CSMD1: variants seen among roughly 807,000 people sequenced by gnomAD.
CSMD1 encodes the protein CUB and Sushi multiple domains 1.
A neutral mutation model predicts 417.5 loss-of-function variants in CSMD1; 213 were observed. The ratio of observed to expected loss-of-function variants is 0.51; its 90% CI spans 0.46 to 0.57. The LOEUF (loss-of-function observed/expected upper bound fraction) is 0.57, where lower values mean the gene tolerates loss of function less well. Among genes scored for constraint, CSMD1 ranks in the 20% least tolerant of loss-of-function variants. The pLI, the probability that CSMD1 is intolerant of heterozygous loss-of-function variation, is 0.00. For missense variants in CSMD1, 6,923 were observed against 4,529.7 expected (o/e 1.53, Z -15.17); for synonymous variants, 2,862 against 1,736.8 (o/e 1.65, Z -16.11).
rs146337378 is a variant in CSMD1 at position 4,472,062 on chromosome 8, C to G, written c.303-51997G>C. Among the ~76,000 whole-genome samples, 4 of 152,286 alleles carry G rather than the reference C, an allele frequency of 2.6e-5. No individual in the cohort carries two copies. The East Asian group carries it at 5.8e-4, about 22-fold the overall frequency. On this transcript the variant is annotated intron_variant, in intron 2 of 69. Transcript: ENST00000635120. Reference sequence around the variant, plus strand: ...ATTGGAACTCAGATTTAATGCTTAGCTGGGAAACTTGTTCGACACAGTCAG... The same window carrying G: ...ATTGGAACTCAGATTTAATGCTTAGGTGGGAAACTTGTTCGACACAGTCAG...
chr8:3,004,855 G>A (rs535279063), intron 52 of CSMD1, among the ~76,000 whole-genome samples: 19 of 152,224 alleles, frequency 1.2e-4, no homozygotes, highest in Middle Eastern at 3.4e-3. Flanking sequence ...TAAGAATACC[G>A]TGGCCAGGCG....
intron 12 of CSMD1, among the ~76,000 whole-genome samples, chr8:3,431,867 G>T (rs78409838): frequency 9.2e-5 from 14 of 152,176 alleles, no homozygotes; most frequent in Non-Finnish European, 1.6e-4. Context: ...CACGCCCACA[G>T]TGAGATAAGA....
At chr8:4,219,453 C>G (rs955256564) in intron 3 of CSMD1, among the ~76,000 whole-genome samples, 1 of 152,148 alleles carries the variant, frequency 6.6e-6, no homozygotes, top group Admixed American at 6.5e-5. Flanking sequence ...CATACCCGAA[C>G]CTCTCTCTTG....
At chr8:4,303,422 G>GT (rs71511194) in intron 3 of CSMD1, among the ~76,000 whole-genome samples, 2 of 85,216 alleles carry the variant, frequency 2.3e-5, no homozygotes, top group African/African-American at 9.5e-5. Context: ...GCAGGAAGCT[G>GT]TTTTTTTTTT....
intron 3 of CSMD1, among the ~76,000 whole-genome samples, chr8:4,305,671 G>A (rs1246305820): frequency 2.6e-5 from 4 of 152,222 alleles, no homozygotes; most frequent in Non-Finnish European, 4.4e-5. Flanking sequence ...CCAGCAGAGA[G>A]TAAGTGCTTG....
Position 3,669,426 on chromosome 8 carries a change from G to C in CSMD1, c.1009+38988C>G, listed in dbSNP as rs6996762. Among the ~76,000 whole-genome samples the C allele has an allele frequency of 2.8e-3, 428 of 152,248 alleles. 1 individual carries two copies. The highest frequency in any genetic ancestry group is 9.9e-3 in the African/African-American group (412 of 41,544). On this transcript the variant is annotated intron_variant, in intron 7 of 69. Transcript: ENST00000635120. ...TCTAGGGGTTCGTGTTTACACTGTA[G>C]TGAGGGACTCCACTGATGGTCCTGT...
intron 6 of CSMD1, among the ~76,000 whole-genome samples, chr8:3,713,970 G>C (rs1307993461): frequency 1.3e-5 from 2 of 151,782 alleles, no homozygotes; most frequent in Non-Finnish European, 2.9e-5. Context: ...ACTACTATTG[G>C]TAGCAATAAT....
intron 3 of CSMD1, among the ~76,000 whole-genome samples, chr8:4,393,799 T>C (rs1379816377): frequency 6.6e-6 from 1 of 152,220 alleles, no homozygotes; most frequent in African/African-American, 2.4e-5. Flanking sequence ...TGATCATCTT[T>C]ATATGCCATA....
intron 1 of CSMD1, among the ~76,000 whole-genome samples, chr8:4,951,276 C>G (rs936131401): frequency 6.6e-6 from 1 of 152,132 alleles, no homozygotes; most frequent in Non-Finnish European, 1.5e-5. Flanking sequence ...CTTTTAGTCT[C>G]TGCCTGAAAT....
At chr8:3,396,582 T>C (rs1479092980) in intron 16 of CSMD1, among the ~76,000 whole-genome samples, 3 of 152,176 alleles carry the variant, frequency 2.0e-5, no homozygotes, top group Admixed American at 6.6e-5. Flanking sequence ...CTTAAATCCC[T>C]TTCTCTTATC....
chr8:3,814,894 A>T (rs1801288929), intron 5 of CSMD1, among the ~76,000 whole-genome samples: 1 of 152,188 alleles, frequency 6.6e-6, no homozygotes, highest in Non-Finnish European at 1.5e-5. Context: ...AGTCATGGTG[A>T]AAATAAATGA....
intron 5 of CSMD1, among the ~76,000 whole-genome samples, chr8:3,930,503 T>C (rs148417234): frequency 1.3e-5 from 2 of 150,680 alleles, no homozygotes; most frequent in East Asian, 3.9e-4. Context: ...CTCCTTCCTT[T>C]GTTCTCCTCT....
chr8:3,835,141 A>C (rs1447173372), intron 5 of CSMD1, among the ~76,000 whole-genome samples: 2 of 147,504 alleles, frequency 1.4e-5, no homozygotes, highest in African/African-American at 5.2e-5. Context: ...TAGTCCAACC[A>C]TTGTGGAAGT....
intron 10 of CSMD1, among the ~76,000 whole-genome samples, chr8:3,519,066 G>T (rs1013666486): frequency 6.6e-6 from 1 of 152,146 alleles, no homozygotes; most frequent in South Asian, 2.1e-4. Flanking sequence ...CTTAAAACCA[G>T]AGTTAAGGAA....
At chr8:3,079,727 G>T (rs1344737802) in intron 49 of CSMD1, among the ~76,000 whole-genome samples, 1 of 152,116 alleles carries the variant, frequency 6.6e-6, no homozygotes, top group Non-Finnish European at 1.5e-5. Context: ...TGTTTCGGGG[G>T]TGAATGCAGG....
intron 5 of CSMD1, among the ~76,000 whole-genome samples, chr8:3,912,202 T>G (rs961751606): frequency 6.6e-6 from 1 of 152,200 alleles, no homozygotes; most frequent in Non-Finnish European, 1.5e-5. Flanking sequence ...AGAAATCGTT[T>G]TCTAACTCTG....
intron 1 of CSMD1, among the ~76,000 whole-genome samples, chr8:4,893,465 T>A (rs749083203): frequency 3.9e-5 from 6 of 152,146 alleles, no homozygotes; most frequent in Non-Finnish European, 7.3e-5. Context: ...GTTTATTTGT[T>A]GTCTTTAAGA....
At chr8:3,434,051 G>T (rs914017783) in intron 12 of CSMD1, among the ~76,000 whole-genome samples, 2 of 152,132 alleles carry the variant, frequency 1.3e-5, no homozygotes, top group Non-Finnish European at 2.9e-5. Flanking sequence ...ATCATTCCTG[G>T]CATTCTTTGA....
chr8:3,302,685 G>T (rs930260263), intron 25 of CSMD1, among the ~76,000 whole-genome samples: 9 of 152,168 alleles, frequency 5.9e-5, no homozygotes, highest in Non-Finnish European at 1.2e-4. Context: ...GTTGAAAGAG[G>T]AGATGTGATC....
Sources: gnomAD v4.1 joint callset for allele counts (sites outside exome capture counted in the v4.1 genomes callset) on GRCh38, gnomAD v4.1.1 for gene constraint, MANE v1.5 for transcripts, NCBI Gene and HGNC (gene_info 2026-07-23, HGNC 2026-07-21) for gene names.